The following ITGA11 variants were observed in gnomAD, a reference collection of about 807,000 sequenced individuals.
The protein encoded by ITGA11 is integrin alpha-11.
Under a neutral mutation model 141.9 loss-of-function variants are expected in ITGA11, and 97 were observed. That is an observed-to-expected ratio of 0.68 (90% confidence interval 0.58 to 0.81). ITGA11 has a LOEUF of 0.81. ITGA11 is among the 30% of genes least tolerant of loss of function. ITGA11 has a pLI of 0.00. For synonymous variants in ITGA11, 658 were observed against 624.6 expected, an observed-to-expected ratio of 1.05 and a Z score of -0.80; for missense variants, 1,387 against 1,559.2, an observed-to-expected ratio of 0.89 and a Z score of 1.86.
At chr15:68,413,300 A>G (rs941522925) in intron 1 of ITGA11, among the ~76,000 whole-genome samples, 2 of 152,200 alleles carry the variant, frequency 1.3e-5, no homozygotes, top group African/African-American at 2.4e-5. Context: ...CAAGGTCACC[A>G]GCCTCTCTTC....
chr15:68,389,622 C>G (rs947819271), intron 2 of ITGA11, among the ~76,000 whole-genome samples: 2 of 152,232 alleles, frequency 1.3e-5, no homozygotes, highest in African/African-American at 4.8e-5. Context: ...ACAAGTTGCT[C>G]CTGTCTGTAC....
Position 68,413,326 on chromosome 15 carries a change from C to T in ITGA11, c.53-10297G>A, listed in dbSNP as rs561072567. 2.6e-5 allele frequency among the ~76,000 whole-genome samples: 4 copies of T among 152,306 alleles called. No homozygotes were observed. In the East Asian group the frequency reaches 7.7e-4, roughly 29 times the overall value. Reference sequence around the variant, plus strand: ...GCCTCTCTTCATACTTATCTATGTTCACCACCACTCCTTCTGTGTTAGTCC... The same window carrying T: ...GCCTCTCTTCATACTTATCTATGTTTACCACCACTCCTTCTGTGTTAGTCC... On this transcript the variant is annotated intron_variant, in intron 1 of 29. Transcript: ENST00000315757.
intron 8 of ITGA11, 73 bp downstream of exon 8, chr15:68,351,185 T>C: frequency 1.3e-6 from 2 of 1,534,516 alleles, no homozygotes; most frequent in South Asian, 1.2e-5. Flanking sequence ...AACTAGTCCC[T>C]TGGAGTCCCC....
chr15:68,303,849 C>A lies in ITGA11; in HGVS notation c.3418G>T (p.Val1140Phe), dbSNP rs547940090. The A allele has an allele frequency of 3.2e-4, 510 of 1,613,018 alleles. 7 individuals are homozygous for A. In the South Asian group the frequency reaches 5.4e-3, roughly 17 times the overall value. ...FEISKQEDWQ[V>F]PIWIIVGSTL... ...CTGCCTACAATGATCCAGATGGGGA[C>A]CTGCCAGTCCTCTTGCTTGGAGATC... is the stretch of plus-strand genomic sequence containing the variant. Residue 1140 changes from valine (V) to phenylalanine (F), a missense_variant, in exon 29 of 30, where the codon GTC (valine) becomes TTC (phenylalanine). Val to Phe is a conservative substitution (Grantham distance 50, BLOSUM62 -1). Transcript: ENST00000315757. The surrounding 1 kb of genome is among the most constrained non-coding windows in gnomAD (Gnocchi z 5.3).
rs1372999387 is a variant in ITGA11, at chr15:68,339,790, G to A, written c.1132-146C>T. 5 of 850,330 alleles carry A rather than the reference G, an allele frequency of 5.9e-6. No homozygotes were observed. In the African/African-American group the frequency reaches 8.5e-5, roughly 14 times the overall value. 52.7% of individuals were successfully genotyped at this position (850,330 alleles called of 1,614,324 possible). ...GCATTATTTAGCAACCTAACTTCTG[G>A]CTGGGGCTCTTGGCTTTTGAATAAG... On this transcript the variant is annotated intron_variant, in intron 10 of 29. Transcript: ENST00000315757.
rs377100306 is a variant in ITGA11, at chr15:68,307,405, G to C, written c.3324C>G (p.Ala1108=). Residue 1108 remains alanine (A), a synonymous_variant, in exon 28 of 30, where the codon GCC becomes GCG. Coordinates refer to ENST00000315757, the MANE Select transcript of ITGA11 (RefSeq NM_001004439.2). This position sits in a 1 kb window ranked among gnomAD's most constrained non-coding sequence, Gnocchi z 6.1. ...AGGGGCTGTGGAACTGCCTCTGCAA[G>C]GCTGCGTTGACCATGATTTTCATGG... ...YKSMKIMVNA[A]LQRQFHSPFI... 33 of 1,558,964 alleles carry C rather than the reference G, an allele frequency of 2.1e-5. No homozygotes were observed. The African/African-American group carries it at 3.8e-4, about 18-fold the overall frequency.
chr15:68,375,057 T>C (rs1895694168), intron 2 of ITGA11, among the ~76,000 whole-genome samples: 2 of 152,138 alleles, frequency 1.3e-5, no homozygotes, highest in Admixed American at 6.5e-5. Flanking sequence ...CTTTTTTTCA[T>C]TGTGAAGAAG....
chr15:68,366,109 C>A (rs374391898), intron 3 of ITGA11, among the ~76,000 whole-genome samples: 1 of 152,270 alleles, frequency 6.6e-6, no homozygotes, highest in South Asian at 2.1e-4. Context: ...TTGAAATCTG[C>A]CCTTCTTGGC....
chr15:68,311,549 C>A (rs926168120), intron 24 of ITGA11, 146 bp from the exon 25 acceptor site: 8 of 622,870 alleles, frequency 1.3e-5, no homozygotes, highest in East Asian at 5.5e-5. Flanking sequence ...GTGTTTTCAC[C>A]ATGGAAGCTC....
At chr15:68,313,068 G>T (rs1396456188) in intron 23 of ITGA11, among the ~76,000 whole-genome samples, 3 of 152,206 alleles carry the variant, frequency 2.0e-5, no homozygotes, top group Non-Finnish European at 4.4e-5. Flanking sequence ...AGCAATGTCT[G>T]CCTCCTGAGT....
chr15:68,352,990 T>G (rs1207252033), intron 7 of ITGA11, among the ~76,000 whole-genome samples: 1 of 152,170 alleles, frequency 6.6e-6, no homozygotes, highest in Non-Finnish European at 1.5e-5. Flanking sequence ...AGTCTGCCAA[T>G]AAGGATCTAA....
chr15:68,394,441 G>A (rs558440567), intron 2 of ITGA11, among the ~76,000 whole-genome samples: 1 of 152,056 alleles, frequency 6.6e-6, no homozygotes, highest in African/African-American at 2.4e-5. Context: ...AAAATTTGTA[G>A]GATGCAGCTA....
At position 68,322,592 on chromosome 15, in the gene ITGA11, C is replaced by T. The variant is rs117058624; in HGVS notation, c.2323-1089G>A. ...GTAATAAAAGCAGGGGTTGGCTGGG[C>T]GTGGTGGCTCACACCTGTAATCCTA... On this transcript the variant is annotated intron_variant, in intron 18 of 29. Coordinates refer to ENST00000315757, the MANE Select transcript of ITGA11 (RefSeq NM_001004439.2). This position sits in a 1 kb window ranked among gnomAD's most constrained non-coding sequence, Gnocchi z 5.6. Among the ~76,000 whole-genome samples, 446 of 152,060 alleles carry T rather than the reference C, an allele frequency of 2.9e-3. 13 individuals carry two copies. The East Asian group carries it at 0.062, about 21-fold the overall frequency.
At chr15:68,390,849 C>T (rs1355938095) in intron 2 of ITGA11, among the ~76,000 whole-genome samples, 1 of 152,244 alleles carries the variant, frequency 6.6e-6, no homozygotes. Context: ...TCCCAAGGTT[C>T]TTCTTCCACG....
intron 10 of ITGA11, among the ~76,000 whole-genome samples, chr15:68,344,232 C>A (rs1894667447): frequency 6.6e-6 from 1 of 152,074 alleles, no homozygotes; most frequent in Admixed American, 6.5e-5. Flanking sequence ...GGCCAGGAGA[C>A]CATCTTGACT....
chr15:68,320,827 C>A (rs1893781151), intron 19 of ITGA11, among the ~76,000 whole-genome samples: 1 of 152,212 alleles, frequency 6.6e-6, no homozygotes, highest in African/African-American at 2.4e-5. Flanking sequence ...TTATCTATGT[C>A]ATGGTATATA....
intron 1 of ITGA11, among the ~76,000 whole-genome samples, chr15:68,424,856 G>A (rs1566946279): frequency 6.6e-6 from 1 of 152,232 alleles, no homozygotes; most frequent in Non-Finnish European, 1.5e-5. Flanking sequence ...AAGCAGTCTT[G>A]AGGCAATAAC....
In ITGA11 at chr15:68,322,490, G is replaced by A. The variant is rs1484671031; in HGVS notation, c.2323-987C>T. 6.6e-6 allele frequency among the ~76,000 whole-genome samples: 1 copy of A among 152,106 alleles called. No homozygotes were observed. The highest frequency in any genetic ancestry group is 1.5e-5 in the Non-Finnish European group (1 of 68,012). On this transcript the variant is annotated intron_variant, in intron 18 of 29. Coordinates refer to ENST00000315757, the MANE Select transcript of ITGA11 (RefSeq NM_001004439.2). The surrounding 1 kb of genome is among the most constrained non-coding windows in gnomAD (Gnocchi z 5.6). ...ATCAATAGGAACCTGGAGGTTGTCG[G>A]GGCTGAGGGAGAAAGGGGTCCAGGG...
Position 68,302,938 on chromosome 15 carries a change from G to T in ITGA11, c.*121C>A, listed in dbSNP as rs890617924. ...CAGGCGCCATTGCTCGGGAGATGAG[G>T]TCAAGTGCAAAGCCAGCTGGCTTCC... On this transcript the variant is annotated 3_prime_UTR_variant, in exon 30 of 30. Transcript: ENST00000315757. The T allele has an allele frequency of 6.7e-6, 5 of 743,448 alleles. No individual in the cohort carries two copies. The highest frequency in any genetic ancestry group is 1.1e-5 in the Non-Finnish European group (5 of 451,822). 46.1% of individuals were successfully genotyped at this position (743,448 alleles called of 1,614,324 possible).
Sources: allele counts gnomAD v4.1 joint callset (sites outside exome capture counted in the v4.1 genomes callset), GRCh38; gene constraint gnomAD v4.1.1; non-coding constraint Gnocchi (gnomAD v3.1); transcripts MANE v1.5; gene names NCBI Gene and HGNC (gene_info 2026-07-23, HGNC 2026-07-21).